The following CFAP54 variants were observed in gnomAD, a reference collection of about 807,000 sequenced individuals.
CFAP54 encodes cilia- and flagella-associated protein 54.
A neutral mutation model predicts 370.4 loss-of-function variants in CFAP54; 290 were observed. That is an observed-to-expected ratio of 0.78 (90% CI 0.71 to 0.86). The LOEUF is 0.86. Among genes scored for constraint, CFAP54 ranks in the 40% least tolerant of loss-of-function variants. The pLI is 0.00. For synonymous variants in CFAP54, 1,206 were observed against 1,236.5 expected (o/e 0.98, Z 0.52); for missense variants, 3,399 against 3,528.7 (o/e 0.96, Z 0.93).
chr12:96,554,277 T>G lies in CFAP54; in HGVS notation c.2250T>G (p.Asn750Lys). 6.5e-7 allele frequency: 1 copy of G among 1,529,170 alleles called. No homozygotes were observed. The allele number at this position is 1,529,170 out of a possible 1,614,324, so 94.7% of individuals were successfully genotyped here. ...NLNCMLTSLP[N>K]GSSVIDHCYA... The stretch of plus-strand genomic sequence containing the variant: ...ATTGCATGTTAACCTCTTTGCCAAA[T>G]GGATCATCAGTAATTGACCACTGCT... Residue 750 changes from asparagine to lysine, a missense_variant, in exon 16 of 68, where the codon AAT becomes AAG. Asn to Lys is a moderately conservative substitution (Grantham distance 94, BLOSUM62 0). Transcript: ENST00000524981.
At chr12:96,519,106 T>A (rs1160042796) in intron 6 of CFAP54, 35 bp downstream of exon 6, 3 of 1,501,838 alleles carry the variant, frequency 2.0e-6, no homozygotes, top group Non-Finnish European at 2.7e-6. Flanking sequence ...AGTCGAGTTT[T>A]TTTTTTTTTT....
At chr12:96,677,143 C>T (rs935557697) in intron 39 of CFAP54, among the ~76,000 whole-genome samples, 9 of 151,972 alleles carry the variant, frequency 5.9e-5, no homozygotes, top group Non-Finnish European at 1.2e-4. Flanking sequence ...GCTAGGACTA[C>T]AGGCACATGC....
intron 52 of CFAP54, among the ~76,000 whole-genome samples, chr12:96,743,075 T>C (rs887088835): frequency 1.4e-4 from 22 of 152,216 alleles, no homozygotes; most frequent in African/African-American, 5.1e-4. Context: ...AGATCACAGC[T>C]TGGCACATGT....
chr12:96,670,514 A>G (rs1320890711), intron 39 of CFAP54, among the ~76,000 whole-genome samples: 1 of 152,218 alleles, frequency 6.6e-6, no homozygotes, highest in Non-Finnish European at 1.5e-5. Flanking sequence ...ACATGGCCAC[A>G]CCTAACTTCA....
intron 66 of CFAP54, among the ~76,000 whole-genome samples, chr12:96,833,362 C>A (rs745726297): frequency 6.6e-6 from 1 of 152,138 alleles, no homozygotes. Flanking sequence ...TTATTGACCA[C>A]CAGCTACGTA....
At chr12:96,625,906 C>A in intron 29 of CFAP54, 99 bp downstream of exon 29, 1 of 869,330 alleles carries the variant, frequency 1.2e-6, no homozygotes, top group South Asian at 1.8e-5. Context: ...AAGATTTCAC[C>A]TGTTTCAGGC....
intron 7 of CFAP54, 30 bp from the exon 8 acceptor site, chr12:96,522,057 AT>A: frequency 6.5e-7 from 1 of 1,528,532 alleles, no homozygotes; most frequent in Non-Finnish European, 8.8e-7. Flanking sequence ...TCTCATTGTT[AT>A]TTCATGTATA....
intron 28 of CFAP54, among the ~76,000 whole-genome samples, chr12:96,625,137 T>G (rs1956536248): frequency 1.3e-5 from 2 of 152,150 alleles, no homozygotes; most frequent in Non-Finnish European, 2.9e-5. Context: ...AGTCACTATT[T>G]TACAAAATAT....
chr12:96,666,145 C>T (rs1393165621), intron 39 of CFAP54, among the ~76,000 whole-genome samples: 1 of 152,092 alleles, frequency 6.6e-6, no homozygotes, highest in East Asian at 1.9e-4. Context: ...TATTGATAGG[C>T]AAAAACAAAG....
At chr12:96,619,083 T>C (rs815874) in intron 26 of CFAP54, among the ~76,000 whole-genome samples, 103,909 of 151,980 alleles carry the variant, frequency 0.68, 35,673 homozygotes, top group African/African-American at 0.71. Context: ...AGGCTGGTCT[T>C]GAACTCCTGA....
chr12:96,548,495 A>C (rs1483656926), intron 15 of CFAP54, among the ~76,000 whole-genome samples: 2 of 152,152 alleles, frequency 1.3e-5, no homozygotes, highest in Non-Finnish European at 2.9e-5. Context: ...TTGGTATAAT[A>C]GATAAAGTCC....
intron 39 of CFAP54, among the ~76,000 whole-genome samples, chr12:96,671,443 G>A (rs1162047660): frequency 6.6e-6 from 1 of 152,090 alleles, no homozygotes; most frequent in Non-Finnish European, 1.5e-5. Context: ...TAAAACGTAA[G>A]CTTTATGAGG....
chr12:96,546,785 T>C (rs972616313), intron 14 of CFAP54, among the ~76,000 whole-genome samples: 1 of 148,958 alleles, frequency 6.7e-6, no homozygotes, highest in Non-Finnish European at 1.5e-5. Flanking sequence ...GCCGAGATCA[T>C]GCCACTGCCC....
rs578072984 is a variant in CFAP54, at chr12:96,705,979, CT to C, written c.6528+1193del. Reference sequence around the variant, plus strand: ...TGTTTACGTAAGGCAAATAGTTTCTCTTTTTTTTTTCTAGAATAGATAGCCC... The same window carrying C: ...TGTTTACGTAAGGCAAATAGTTTCTCTTTTTTTTTCTAGAATAGATAGCCC... On this transcript the variant is annotated intron_variant, in intron 47 of 67. Coordinates refer to ENST00000524981, the MANE Select transcript of CFAP54 (RefSeq NM_001306084.2). Among the ~76,000 whole-genome samples the C allele has an allele frequency of 2.7e-4, 40 of 149,198 alleles. 1 individual carries two copies. The highest frequency in any genetic ancestry group is 3.9e-4 in the East Asian group (2 of 5,100).
intron 47 of CFAP54, among the ~76,000 whole-genome samples, chr12:96,706,125 A>G (rs1957545334): frequency 6.6e-6 from 1 of 152,172 alleles, no homozygotes; most frequent in South Asian, 2.1e-4. Flanking sequence ...AATCAACAAT[A>G]CAGAAAAACT....
In CFAP54 at chr12:96,840,622, C is replaced by CTT. The variant is rs1491169613; in HGVS notation, c.9171+11536_9171+11537dup. On this transcript the variant is annotated intron_variant, in intron 66 of 67. Transcript: ENST00000524981. The stretch of plus-strand genomic sequence containing the variant: ...CAGACTTTCTTTCTTTTCTCTGTTT[C>CTT]TTTCTTTTTTTTTTTTTTTACAAAC... 0.024 allele frequency among the ~76,000 whole-genome samples: 1,608 copies of CTT among 67,026 alleles called. 65 individuals are homozygous for CTT. The East Asian group carries it at 0.27, about 11-fold the overall frequency. 44.0% of individuals were successfully genotyped at this position (67,026 alleles called of 152,430 possible).
intron 33 of CFAP54, chr12:96,646,602 G>A (rs534578666): frequency 1.6e-4 from 24 of 152,282 alleles, no homozygotes; most frequent in African/African-American, 4.8e-4. Context: ...CCATTACTGG[G>A]TATATACCCA....
chr12:96,867,883 GAGA>G (rs945094006), intron 67 of CFAP54, among the ~76,000 whole-genome samples: 49 of 152,240 alleles, frequency 3.2e-4, no homozygotes, highest in African/African-American at 1.1e-3. Context: ...AAATTGCTGA[GAGA>G]AGATCTTAAC....
intron 64 of CFAP54, among the ~76,000 whole-genome samples, chr12:96,815,430 G>A (rs1047724431): frequency 9.9e-5 from 15 of 151,964 alleles, no homozygotes; most frequent in African/African-American, 3.6e-4. Context: ...ATTTGTTTAA[G>A]TTCTTTGTAG....
Sources: allele counts gnomAD v4.1 joint callset (sites outside exome capture counted in the v4.1 genomes callset), GRCh38; gene constraint gnomAD v4.1.1; transcripts MANE v1.5; gene names NCBI Gene and HGNC (gene_info 2026-07-23, HGNC 2026-07-21).